The following DCTD variants were observed in gnomAD, a reference collection of about 807,000 sequenced individuals.
DCTD encodes the protein deoxycytidylate deaminase.
In DCTD, 23 loss-of-function variants were observed where a neutral mutation model predicts 21.0. The ratio of observed to expected loss-of-function variants is 1.09; its 90% CI spans 0.79 to 1.55. The LOEUF (loss-of-function observed/expected upper bound fraction) is 1.55. DCTD is among the 40% of genes most tolerant of loss of function. The pLI is 0.00. For synonymous variants in DCTD, 71 were observed against 81.1 expected, an observed-to-expected ratio of 0.88 and a Z score of 0.67; for missense variants, 224 against 230.0, an observed-to-expected ratio of 0.97 and a Z score of 0.17.
At chr4:182,891,706 T>C (rs561072462) in intron 5 of DCTD, among the ~76,000 whole-genome samples, 9 of 152,302 alleles carry the variant, frequency 5.9e-5, no homozygotes, top group Non-Finnish European at 8.8e-5. Flanking sequence ...TGTTTTCAGC[T>C]CTCTGAGTTC....
At chr4:182,898,726 T>C (rs146985622) in intron 3 of DCTD, among the ~76,000 whole-genome samples, 148 of 152,338 alleles carry the variant, frequency 9.7e-4, no homozygotes, top group African/African-American at 3.4e-3. Context: ...GTCAGCCTTT[T>C]AGGATTCTTT....
Position 182,917,340 on chromosome 4 carries a change from G to A in DCTD, c.-37C>T, listed in dbSNP as rs1738921943. 9.1e-7 allele frequency: 1 copy of A among 1,095,430 alleles called. No individual in the cohort carries two copies. Among genetic ancestry groups the A allele is most frequent in the African/African-American group, 1.7e-5 (1 of 59,842 alleles). 67.9% of individuals were successfully genotyped at this position (1,095,430 alleles called of 1,614,324 possible). ...CGGTGCCGGCTCCGCGCGCAGGCCG[G>A]TGCTCGTCCCCGCCGCCGCCGTGCT... On this transcript the variant is annotated 5_prime_UTR_variant, in exon 1 of 6. Coordinates refer to ENST00000438320, the MANE Select transcript of DCTD (RefSeq NM_001921.3). The surrounding 1 kb of genome is among the most constrained non-coding windows in gnomAD (Gnocchi z 4.9).
At chr4:182,903,202 T>C (rs1736059274) in intron 3 of DCTD, among the ~76,000 whole-genome samples, 1 of 152,162 alleles carries the variant, frequency 6.6e-6, no homozygotes, top group Admixed American at 6.5e-5. Flanking sequence ...GAACAGGACC[T>C]GTTTCCTAAG....
chr4:182,905,238 A>C (rs1579729852), intron 3 of DCTD, among the ~76,000 whole-genome samples: 2 of 148,196 alleles, frequency 1.3e-5, no homozygotes, highest in African/African-American at 2.5e-5. Flanking sequence ...TGGCAATATC[A>C]CCTCTGACCT....
Position 182,893,016 on chromosome 4 carries a change from A to T in DCTD, c.458+15T>A, listed in dbSNP as rs2070805. ...CACCCTACCCCGTCCCCCCGCCCGC[A>T]TTCTCCCCACTTACCGGAATGTCAC... On this transcript the variant is annotated intron_variant, in intron 5 of 5. Coordinates refer to ENST00000438320, the MANE Select transcript of DCTD (RefSeq NM_001921.3). 1.9e-6 allele frequency: 3 copies of T among 1,542,662 alleles called. No homozygotes were observed. The African/African-American group carries it at 4.1e-5, about 21-fold the overall frequency.
At chr4:182,892,213 G>C (rs1960207) in intron 5 of DCTD, among the ~76,000 whole-genome samples, 1 of 152,048 alleles carries the variant, frequency 6.6e-6, no homozygotes, top group Non-Finnish European at 1.5e-5. Flanking sequence ...GCTGCTGAAC[G>C]CCAATACCAT....
intron 3 of DCTD, among the ~76,000 whole-genome samples, chr4:182,901,778 A>C (rs919280193): frequency 9.7e-6 from 1 of 103,176 alleles, no homozygotes; most frequent in African/African-American, 6.0e-5. Context: ...CCTGTGCATT[A>C]AAAAAAAAAA....
At position 182,917,212 on chromosome 4, in the gene DCTD, C is replaced by T; in HGVS notation, c.-8+99G>A. ...AGCGTCCGCGGCCCCAGGCCCCCGC[C>T]CGGCAGCCAGCGCCCCGCGCCACGC... is the stretch of plus-strand genomic sequence containing the variant. On this transcript the variant is annotated intron_variant, in intron 1 of 5. Transcript: ENST00000438320. The surrounding 1 kb of genome is among the most constrained non-coding windows in gnomAD (Gnocchi z 4.9). The T allele has an allele frequency of 2.0e-6, 2 of 994,688 alleles. No homozygotes were observed. Among genetic ancestry groups the T allele is most frequent in the Non-Finnish European group, 2.4e-6 (2 of 836,888 alleles). The allele number at this position is 994,688 out of a possible 1,614,324, so 61.6% of individuals were successfully genotyped here.
intron 3 of DCTD, among the ~76,000 whole-genome samples, chr4:182,896,298 G>A (rs1157979133): frequency 6.6e-6 from 1 of 152,190 alleles, no homozygotes; most frequent in Non-Finnish European, 1.5e-5. Context: ...TGTGTGCCTG[G>A]GTCCCCCAGC....
At chr4:182,898,582 T>C (rs1208490947) in intron 3 of DCTD, among the ~76,000 whole-genome samples, 1 of 152,102 alleles carries the variant, frequency 6.6e-6, no homozygotes, top group Non-Finnish European at 1.5e-5. Flanking sequence ...CACGGCCTCC[T>C]CTCCCCAGGC....
At chr4:182,913,674 C>T (rs1391658312) in intron 3 of DCTD, among the ~76,000 whole-genome samples, 1 of 152,230 alleles carries the variant, frequency 6.6e-6, no homozygotes, top group Non-Finnish European at 1.5e-5. Flanking sequence ...ACTCTCCCTT[C>T]ACTTCCAACA....
rs4742 is a variant in DCTD at position 182,894,535 on chromosome 4, A to G, written c.315T>C (p.Val105=). Residue 105 remains valine, a synonymous_variant, in exon 4 of 6, where the codon GTT becomes GTC. Coordinates refer to ENST00000438320, the MANE Select transcript of DCTD (RefSeq NM_001921.3). ...CGCATTCATTACAAGGGAACAAGGC[A>G]ACATACATACTACAGCCTTTCACAT... The part of the protein sequence containing the change: ...STDVKGCSMY[V]ALFPCNECAK... 0.31 allele frequency: 497,229 copies of G among 1,612,170 alleles called. 79,725 individuals carry two copies. Among genetic ancestry groups the G allele is most frequent in the African/African-American group, 0.5 (37,685 of 74,940 alleles).
intron 3 of DCTD, among the ~76,000 whole-genome samples, chr4:182,897,295 A>AT: frequency 6.6e-6 from 1 of 151,074 alleles, no homozygotes; most frequent in African/African-American, 2.4e-5. Context: ...CTTGTTAAAA[A>AT]ATATATATAT....
At chr4:182,892,606 T>C (rs1579651024) in intron 5 of DCTD, among the ~76,000 whole-genome samples, 1 of 147,586 alleles carries the variant, frequency 6.8e-6, no homozygotes, top group East Asian at 2.1e-4. Context: ...TCTAGCCTGG[T>C]GACAGAGCGA....
At chr4:182,916,781 G>A (rs1288247432) in intron 1 of DCTD, 1 of 1,127,516 alleles carries the variant, frequency 8.9e-7, no homozygotes, top group Non-Finnish European at 1.1e-6. Flanking sequence ...GAGAGGGAAG[G>A]GTCCTGTTAA....
chr4:182,914,960 CCTT>C lies in DCTD; in HGVS notation c.204_206del (p.Arg69del). On this transcript the variant is annotated inframe_deletion, in exon 3 of 6. Coordinates refer to ENST00000438320, the MANE Select transcript of DCTD (RefSeq NM_001921.3). ...TGGTGTCCAGCTTATTCTCTGCTGT[CCTT>C]CTCCAAGGCAACACGTCATCACTGC... 26 of 1,614,190 alleles carry C rather than the reference CCTT, an allele frequency of 1.6e-5. No individual in the cohort carries two copies. Among genetic ancestry groups the C allele is most frequent in the Non-Finnish European group, 2.2e-5 (26 of 1,180,024 alleles).
chr4:182,908,887 T>A (rs1045214186), intron 3 of DCTD, among the ~76,000 whole-genome samples: 1 of 152,134 alleles, frequency 6.6e-6, no homozygotes, highest in Non-Finnish European at 1.5e-5. Context: ...AAAGATAAAC[T>A]TCAGCCCACT....
Position 182,917,246 on chromosome 4 carries a change from C to A in DCTD, c.-8+65G>T. 2 of 1,008,174 alleles carry A rather than the reference C, an allele frequency of 2.0e-6. No homozygotes were observed. Among genetic ancestry groups the A allele is most frequent in the Non-Finnish European group, 2.4e-6 (2 of 846,292 alleles). The allele number at this position is 1,008,174 out of a possible 1,614,324, so 62.5% of individuals were successfully genotyped here. On this transcript the variant is annotated intron_variant, in intron 1 of 5. Transcript: ENST00000438320. This position sits in a 1 kb window ranked among gnomAD's most constrained non-coding sequence, Gnocchi z 4.9. The stretch of plus-strand genomic sequence containing the variant: ...AGCGCCCCGCGCCACGCGCTCGGGA[C>A]GGTGCCACGCGGCGGTGGCTAGGGG...
intron 4 of DCTD, among the ~76,000 whole-genome samples, chr4:182,893,754 G>C (rs1387047821): frequency 2.6e-5 from 4 of 152,256 alleles, no homozygotes; most frequent in African/African-American, 9.6e-5. Context: ...CGCGAGGAGA[G>C]CTTCCCAGGA....
Sources: allele counts gnomAD v4.1 joint callset (sites outside exome capture counted in the v4.1 genomes callset), GRCh38; gene constraint gnomAD v4.1.1; non-coding constraint Gnocchi (gnomAD v3.1); transcripts MANE v1.5; gene names NCBI Gene and HGNC (gene_info 2026-07-23, HGNC 2026-07-21).